The following ALK variants were observed in gnomAD, a reference collection of about 807,000 sequenced individuals.
ALK encodes ALK tyrosine kinase receptor.
Under a neutral mutation model 163.1 loss-of-function variants are expected in ALK, and 74 were observed. That is an observed-to-expected ratio of 0.45 (90% confidence interval 0.38 to 0.55). The LOEUF is 0.55. ALK is among the 20% of genes least tolerant of loss of function. The pLI is 0.00. For missense variants in ALK, 2,063 were observed against 2,105.3 expected (o/e 0.98, Z 0.39); for synonymous variants, 960 against 843.2 (o/e 1.14, Z -2.40).
chr2:29,399,346 C>T (rs1669388309), intron 4 of ALK, among the ~76,000 whole-genome samples: 2 of 152,186 alleles, frequency 1.3e-5, no homozygotes, highest in South Asian at 4.2e-4. Flanking sequence ...TTGGGACAGC[C>T]AGGGGACCCT....
chr2:29,595,690 A>AT (rs1448912740), intron 3 of ALK, among the ~76,000 whole-genome samples: 1 of 152,188 alleles, frequency 6.6e-6, no homozygotes, highest in Non-Finnish European at 1.5e-5. Flanking sequence ...ATAAAAACAC[A>AT]TGGGAGTAGG....
intron 1 of ALK, among the ~76,000 whole-genome samples, chr2:29,840,231 C>T (rs1264637675): frequency 6.6e-6 from 1 of 152,164 alleles, no homozygotes; most frequent in Non-Finnish European, 1.5e-5. Flanking sequence ...AGGGAAGGGG[C>T]AATATCTTGT....
chr2:29,257,960 T>C (rs116127689), intron 11 of ALK, among the ~76,000 whole-genome samples: 1,880 of 152,250 alleles, frequency 0.012, 52 homozygotes, highest in African/African-American at 0.043. Flanking sequence ...CACCTCAGAC[T>C]CCAGAGTAGC....
At chr2:29,769,286 C>T (rs1300890439) in intron 1 of ALK, among the ~76,000 whole-genome samples, 1 of 152,192 alleles carries the variant, frequency 6.6e-6, no homozygotes, top group African/African-American at 2.4e-5. Flanking sequence ...TTCCCCAGCC[C>T]TATTTTTCCC....
chr2:29,222,605 C>T lies in ALK; in HGVS notation c.3362G>A (p.Gly1121Asp), dbSNP rs55760835. The T allele has an allele frequency of 2.1e-4, 342 of 1,613,438 alleles. No individual in the cohort carries two copies. Among genetic ancestry groups the T allele is most frequent in the Non-Finnish European group, 2.8e-4 (335 of 1,179,852 alleles). Residue 1121 changes from glycine (G) to aspartate (D), a missense_variant and splice_region_variant, in exon 21 of 29, where the codon GGT becomes GAT. Physicochemically the swap from Gly to Asp is moderately conservative, Grantham distance 94 (BLOSUM62 -1). Coordinates refer to ENST00000389048, the MANE Select transcript of ALK (RefSeq NM_004304.5). ...VPRKNITLIR[G>D]LGHGAFGEVY... is the part of the protein sequence containing the mutation. ...CTCCCCAAAGGCGCCATGGCCCAGA[C>T]CCCTGTGCAAAGGAGAAGACAAGAG... is the stretch of plus-strand genomic sequence containing the variant.
chr2:29,407,433 T>C (rs1451162078), intron 4 of ALK, among the ~76,000 whole-genome samples: 1 of 152,216 alleles, frequency 6.6e-6, no homozygotes, highest in Non-Finnish European at 1.5e-5. Flanking sequence ...ATGAAGTAGG[T>C]TTATTATGAT....
chr2:29,905,809 T>C (rs528279806), intron 1 of ALK, among the ~76,000 whole-genome samples: 2 of 152,176 alleles, frequency 1.3e-5, no homozygotes, highest in East Asian at 1.9e-4. Context: ...ATGCGAGGAA[T>C]GGAAGGGGAT....
At chr2:29,645,292 A>G (rs2148249083) in intron 3 of ALK, among the ~76,000 whole-genome samples, 1 of 152,216 alleles carries the variant, frequency 6.6e-6, no homozygotes, top group African/African-American at 2.4e-5. Flanking sequence ...ACGGAACAAA[A>G]CCAAAAATAC....
At chr2:29,536,289 T>A (rs1673254345) in intron 3 of ALK, among the ~76,000 whole-genome samples, 1 of 150,320 alleles carries the variant, frequency 6.7e-6, no homozygotes, top group African/African-American at 2.5e-5. Context: ...TTTAGCTCCA[T>A]CCCCTTGGTA....
intron 8 of ALK, among the ~76,000 whole-genome samples, chr2:29,310,515 G>A (rs1417586408): frequency 6.6e-6 from 1 of 152,190 alleles, no homozygotes; most frequent in Non-Finnish European, 1.5e-5. Flanking sequence ...TTGCTTTTCA[G>A]CATAATACAG....
intron 3 of ALK, among the ~76,000 whole-genome samples, chr2:29,661,827 A>T (rs1677356507): frequency 6.6e-6 from 1 of 152,198 alleles, no homozygotes; most frequent in Non-Finnish European, 1.5e-5. Context: ...AACAGAGGCC[A>T]ATGTAAGAAA....
chr2:29,222,900 G>T (rs1192492027), intron 20 of ALK, among the ~76,000 whole-genome samples: 2 of 152,196 alleles, frequency 1.3e-5, no homozygotes, highest in African/African-American at 2.4e-5. Context: ...GGACACAGGG[G>T]TGCATAAGCC....
rs1395421965 is a variant in ALK, at chr2:29,772,484, C to G, written c.668-54787G>C. 2.6e-5 allele frequency among the ~76,000 whole-genome samples: 4 copies of G among 152,142 alleles called. No homozygotes were observed. The East Asian group carries it at 7.7e-4, about 29-fold the overall frequency. On this transcript the variant is annotated intron_variant, in intron 1 of 28. Transcript: ENST00000389048. ...GCATGTCTTGGCACATATGCAGATG[C>G]AGGGGTGGGGTGGAGAATGCGAGTG...
chr2:29,717,481 T>A, intron 2 of ALK, 97 bp downstream of exon 2: 1 of 1,440,686 alleles, frequency 6.9e-7, no homozygotes, highest in South Asian at 1.2e-5. Context: ...GCTGAGGGAA[T>A]GCCCTGGAGC....
chr2:29,214,103 C>A (rs2148159661), intron 23 of ALK, 22 bp from the exon 24 acceptor site: 3 of 1,605,064 alleles, frequency 1.9e-6, no homozygotes, highest in Non-Finnish European at 2.6e-6. Context: ...CAGAAGCGGG[C>A]CACTGACGAG....
intron 11 of ALK, among the ~76,000 whole-genome samples, chr2:29,260,971 T>C (rs1217392165): frequency 6.6e-6 from 1 of 152,234 alleles, no homozygotes; most frequent in Non-Finnish European, 1.5e-5. Flanking sequence ...CTACTCAATA[T>C]TGATTTTATC....
rs145720141 is a variant in ALK at position 29,831,317 on chromosome 2, G to T, written c.667+88676C>A. The stretch of plus-strand genomic sequence containing the variant: ...AGAAGAAGAAGAAGAAGAAGAAGAA[G>T]AAGAAATGTAGAGTTCCAGGACTTA... On this transcript the variant is annotated intron_variant, in intron 1 of 28. Transcript: ENST00000389048. Among the ~76,000 whole-genome samples, 4 of 145,474 alleles carry T rather than the reference G, an allele frequency of 2.7e-5. 1 individual carries two copies. The highest frequency in any genetic ancestry group is 6.1e-5 in the Non-Finnish European group (4 of 65,722).
chr2:29,269,759 G>T (rs1406518932), intron 11 of ALK, among the ~76,000 whole-genome samples: 1 of 152,188 alleles, frequency 6.6e-6, no homozygotes, highest in African/African-American at 2.4e-5. Flanking sequence ...GGCTCCAAGG[G>T]TTCTAACTAC....
intron 23 of ALK, 29 bp from the exon 24 acceptor site, chr2:29,214,110 CGAG>C (rs1201794566): frequency 8.8e-6 from 14 of 1,593,538 alleles, no homozygotes; most frequent in Admixed American, 1.7e-5. Flanking sequence ...GGGCCACTGA[CGAG>C]GAGCTTGTCA....
Sources: gnomAD v4.1 joint callset for allele counts (sites outside exome capture counted in the v4.1 genomes callset) on GRCh38, gnomAD v4.1.1 for gene constraint, MANE v1.5 for transcripts, NCBI Gene and HGNC (gene_info 2026-07-23, HGNC 2026-07-21) for gene names.